CACNA2D1: variants seen among roughly 807,000 people sequenced by gnomAD.
CACNA2D1 encodes the protein voltage-dependent calcium channel subunit alpha-2/delta-1.
A neutral mutation model predicts 171.5 loss-of-function variants in CACNA2D1; 53 were observed. That is an observed-to-expected ratio of 0.31 (90% CI 0.25 to 0.39). CACNA2D1 has a LOEUF of 0.39. Ranked by LOEUF, CACNA2D1 falls within the 10% of genes least tolerant of loss-of-function variation. The pLI, the probability that CACNA2D1 is intolerant of heterozygous loss-of-function variation, is 1.00. For synonymous variants in CACNA2D1, 442 were observed against 443.1 expected (o/e 1.00, Z 0.03); for missense variants, 903 against 1,299.8 (o/e 0.69, Z 4.69).
intron 1 of CACNA2D1, among the ~76,000 whole-genome samples, chr7:82,425,472 T>C (rs1318284921): frequency 6.6e-6 from 1 of 151,778 alleles, no homozygotes; most frequent in Non-Finnish European, 1.5e-5. Context: ...CTACACAGAA[T>C]AGAAAATACC....
At chr7:82,201,399 T>C (rs958733205) in intron 3 of CACNA2D1, among the ~76,000 whole-genome samples, 2 of 152,156 alleles carry the variant, frequency 1.3e-5, no homozygotes, top group African/African-American at 4.8e-5. Context: ...GTACCTAGTA[T>C]CACTTACAAA....
intron 2 of CACNA2D1, among the ~76,000 whole-genome samples, chr7:82,336,356 A>C (rs1009679569): frequency 7.2e-5 from 11 of 152,210 alleles, no homozygotes; most frequent in African/African-American, 2.7e-4. Context: ...TATTAGTTTT[A>C]CATGGACTTA....
At chr7:82,010,713 G>A (rs987890051) in intron 15 of CACNA2D1, among the ~76,000 whole-genome samples, 10 of 152,196 alleles carry the variant, frequency 6.6e-5, no homozygotes, top group African/African-American at 1.7e-4. Context: ...CTTCCTTAGC[G>A]TGCAAGGCTG....
chr7:82,291,919 GT>G (rs947060776), intron 3 of CACNA2D1, among the ~76,000 whole-genome samples: 7 of 151,502 alleles, frequency 4.6e-5, no homozygotes, highest in African/African-American at 1.7e-4. Context: ...CCACAAAATT[GT>G]TTTATCAAAA....
intron 3 of CACNA2D1, among the ~76,000 whole-genome samples, chr7:82,225,719 C>A (rs189089735): frequency 6.6e-6 from 1 of 152,130 alleles, no homozygotes; most frequent in East Asian, 1.9e-4. Context: ...GTCTATCCAA[C>A]CTCTATTAGA....
At chr7:82,139,979 C>T (rs1298957105) in intron 4 of CACNA2D1, among the ~76,000 whole-genome samples, 13 of 110,728 alleles carry the variant, frequency 1.2e-4, no homozygotes, top group Admixed American at 5.8e-4. Flanking sequence ...TTATTATTAA[C>T]GGTGTTTCAT....
At position 82,198,428 on chromosome 7, in the gene CACNA2D1, G is replaced by A. The variant is rs77488418; in HGVS notation, c.295-27819C>T. Reference sequence around the variant, plus strand: ...TGGAGCCTTGTGAGCTACAGGGCTCGAAGGCAGTGATTTCTTTGCTGCATG... The same window carrying A: ...TGGAGCCTTGTGAGCTACAGGGCTCAAAGGCAGTGATTTCTTTGCTGCATG... On this transcript the variant is annotated intron_variant, in intron 3 of 38. Transcript: ENST00000356860. Among the ~76,000 whole-genome samples the A allele has an allele frequency of 6.3e-3, 957 of 152,108 alleles. 14 individuals carry two copies. The highest frequency in any genetic ancestry group is 0.022 in the African/African-American group (912 of 41,508).
chr7:81,959,928 T>G, intron 36 of CACNA2D1, 99 bp from the exon 37 acceptor site: 1 of 1,507,288 alleles, frequency 6.6e-7, no homozygotes, highest in Non-Finnish European at 8.9e-7. Flanking sequence ...AGACAAAATA[T>G]GACATCTGAA....
At chr7:82,318,149 T>C (rs552220868) in intron 3 of CACNA2D1, among the ~76,000 whole-genome samples, 52 of 152,276 alleles carry the variant, frequency 3.4e-4, no homozygotes, top group Non-Finnish European at 6.5e-4. Context: ...AACCTATGCT[T>C]TAGAAGCTAG....
At chr7:82,041,484 A>G (rs1349507695) in intron 10 of CACNA2D1, among the ~76,000 whole-genome samples, 1 of 152,176 alleles carries the variant, frequency 6.6e-6, no homozygotes, top group Non-Finnish European at 1.5e-5. Flanking sequence ...CAGGATAATG[A>G]GAGGAGAAGG....
chr7:82,277,704 A>T (rs1227217337), intron 3 of CACNA2D1, among the ~76,000 whole-genome samples: 1 of 134,702 alleles, frequency 7.4e-6, no homozygotes, highest in Non-Finnish European at 1.6e-5. Flanking sequence ...ATAATTGAAG[A>T]TTGTCATAAA....
At chr7:82,295,657 G>C (rs909344106) in intron 3 of CACNA2D1, among the ~76,000 whole-genome samples, 9 of 151,788 alleles carry the variant, frequency 5.9e-5, no homozygotes. Flanking sequence ...GTTGAGATTA[G>C]TGATTTATAG....
intron 5 of CACNA2D1, among the ~76,000 whole-genome samples, chr7:82,125,620 G>A (rs140303934): frequency 2.2e-4 from 33 of 152,072 alleles, no homozygotes; most frequent in East Asian, 1.7e-3. Flanking sequence ...GCAAGTGCCC[G>A]TAGTGCCAGC....
At chr7:81,967,067 T>G (rs893056456) in intron 31 of CACNA2D1, 102 bp downstream of exon 31, 92 of 793,848 alleles carry the variant, frequency 1.2e-4, no homozygotes, top group Non-Finnish European at 1.8e-4. Context: ...TTTTTTAGCC[T>G]TTGATTAAAA....
intron 4 of CACNA2D1, among the ~76,000 whole-genome samples, chr7:82,157,892 T>TTGTTAC (rs1794528028): frequency 2.6e-5 from 4 of 151,990 alleles, no homozygotes; most frequent in Non-Finnish European, 4.4e-5. Flanking sequence ...ATTGTTGAGT[T>TTGTTAC]CTAAGGTAAC....
At chr7:81,952,920 A>G (rs1216055955) in intron 38 of CACNA2D1, among the ~76,000 whole-genome samples, 1 of 151,972 alleles carries the variant, frequency 6.6e-6, no homozygotes, top group African/African-American at 2.4e-5. Flanking sequence ...CCCTAATATA[A>G]TTCTTCTGGT....
intron 1 of CACNA2D1, among the ~76,000 whole-genome samples, chr7:82,385,586 C>T (rs1186783234): frequency 2.6e-5 from 4 of 152,164 alleles, no homozygotes; most frequent in African/African-American, 9.7e-5. Context: ...TTTTGGAACA[C>T]TACAGCCAGA....
rs571771085 is a variant in CACNA2D1, at chr7:82,145,242, A to G, written c.355-8566T>C. On this transcript the variant is annotated intron_variant, in intron 4 of 38. Coordinates refer to ENST00000356860, the MANE Select transcript of CACNA2D1 (RefSeq NM_000722.4). Reference sequence around the variant, plus strand: ...TTTATATATATATAAAATATAAATTATATAAATATATAAATTATATAAAAT... The same window carrying G: ...TTTATATATATATAAAATATAAATTGTATAAATATATAAATTATATAAAAT... Among the ~76,000 whole-genome samples the G allele has an allele frequency of 1.4e-4, 21 of 146,314 alleles. No individual in the cohort carries two copies. The South Asian group carries it at 4.4e-3, about 31-fold the overall frequency.
intron 1 of CACNA2D1, among the ~76,000 whole-genome samples, chr7:82,369,048 A>G (rs1356220169): frequency 6.6e-6 from 1 of 152,130 alleles, no homozygotes; most frequent in African/African-American, 2.4e-5. Flanking sequence ...TCTTCCTTGA[A>G]AGCTCCTTTC....
Sources: allele counts gnomAD v4.1 joint callset (sites outside exome capture counted in the v4.1 genomes callset), GRCh38; gene constraint gnomAD v4.1.1; transcripts MANE v1.5; gene names NCBI Gene and HGNC (gene_info 2026-07-23, HGNC 2026-07-21).